ZDHHC2: variants seen among roughly 807,000 people sequenced by gnomAD.
The protein encoded by ZDHHC2 is zDHHC palmitoyltransferase 2.
ZDHHC2 carries 51 observed loss-of-function variants against 55.6 expected under a neutral mutation model. That is an observed-to-expected ratio of 0.92 (90% CI 0.73 to 1.16). The LOEUF is 1.16. Among genes scored for constraint, ZDHHC2 ranks in the 50% most tolerant of loss-of-function variants. The pLI is 0.00. For missense variants in ZDHHC2, 491 were observed against 442.4 expected (o/e 1.11, Z -0.99); for synonymous variants, 199 against 152.9 (o/e 1.30, Z -2.22).
Position 17,215,315 on chromosome 8 carries a change from G to A in ZDHHC2, c.1029G>A (p.Thr343=), listed in dbSNP as rs759015032. Residue 343 remains threonine (T), a synonymous_variant, in exon 11 of 13, where the codon ACG becomes ACA. Transcript: ENST00000262096. ...SHLLTDSQSW[T]ESSINPGKCK... is the part of the protein sequence containing the mutation. Reference sequence around the variant, plus strand: ...TTCTTACTGATTCTCAGTCTTGGACGGAGAGCAGCATAAACCCAGGAAAAT... The same window carrying A: ...TTCTTACTGATTCTCAGTCTTGGACAGAGAGCAGCATAAACCCAGGAAAAT... The A allele has an allele frequency of 3.1e-6, 5 of 1,593,138 alleles. No homozygotes were observed. The highest frequency in any genetic ancestry group is 1.1e-5 in the South Asian group (1 of 87,224).
intron 10 of ZDHHC2, among the ~76,000 whole-genome samples, chr8:17,212,690 G>A (rs1585739463): frequency 3.9e-5 from 6 of 152,070 alleles, no homozygotes; most frequent in Admixed American, 3.3e-4. Context: ...GTCAGATTGT[G>A]TCACTCTTCT....
chr8:17,199,395 C>T (rs1175186647), intron 6 of ZDHHC2, among the ~76,000 whole-genome samples: 2 of 151,764 alleles, frequency 1.3e-5, no homozygotes, highest in South Asian at 4.2e-4. Flanking sequence ...CTTTTGCCCC[C>T]CTGCCCCCAG....
intron 1 of ZDHHC2, among the ~76,000 whole-genome samples, chr8:17,158,000 A>AT (rs1216492164): frequency 6.6e-6 from 1 of 152,184 alleles, no homozygotes; most frequent in Non-Finnish European, 1.5e-5. Flanking sequence ...ATAATCACTG[A>AT]TGTAAGTTGT....
At chr8:17,162,308 C>T (rs1451887716) in intron 1 of ZDHHC2, among the ~76,000 whole-genome samples, 2 of 152,172 alleles carry the variant, frequency 1.3e-5, no homozygotes, top group East Asian at 1.9e-4. Context: ...TCTACTTAGT[C>T]TTATTCAATT....
At position 17,215,248 on chromosome 8, in the gene ZDHHC2, A is replaced by G; in HGVS notation, c.962A>G (p.His321Arg). 6.3e-7 allele frequency: 1 copy of G among 1,595,794 alleles called. No individual in the cohort carries two copies. Among genetic ancestry groups the G allele is most frequent in the Non-Finnish European group, 8.5e-7 (1 of 1,171,122 alleles). ...LNSTAKNLEN[H>R]QFPAKPLRES... The stretch of plus-strand genomic sequence containing the variant: ...CAATTATTATTCAGTCTCGAAAACC[A>G]TCAGTTTCCTGCAAAGCCATTGAGA... The change falls in exon 11 of 13, where the codon CAT becomes CGT. Residue 321 changes from histidine to arginine, a missense_variant. Physicochemically the swap from His to Arg is conservative, Grantham distance 29 (BLOSUM62 0). Coordinates refer to ENST00000262096, the MANE Select transcript of ZDHHC2 (RefSeq NM_016353.5).
intron 4 of ZDHHC2, 50 bp downstream of exon 4, chr8:17,195,674 A>T (rs769642269): frequency 6.2e-7 from 1 of 1,607,202 alleles, no homozygotes; most frequent in Non-Finnish European, 8.5e-7. Flanking sequence ...TAACATCATT[A>T]AGGTGACTGT....
At chr8:17,184,870 G>T in intron 2 of ZDHHC2, 55 bp downstream of exon 2, 2 of 1,428,902 alleles carry the variant, frequency 1.4e-6, no homozygotes, top group Middle Eastern at 2.1e-4. Flanking sequence ...AAAAAAAATT[G>T]TATTCACTTA....
intron 1 of ZDHHC2, among the ~76,000 whole-genome samples, chr8:17,183,107 G>C (rs1013520734): frequency 3.9e-5 from 6 of 152,126 alleles, no homozygotes; most frequent in East Asian, 1.9e-4. Context: ...TTAGTTTTCA[G>C]TTCTCTCCAC....
At chr8:17,185,044 A>C (rs1805639630) in intron 2 of ZDHHC2, among the ~76,000 whole-genome samples, 1 of 152,156 alleles carries the variant, frequency 6.6e-6, no homozygotes. Context: ...TAAGGCTTTG[A>C]GGTATAGGGA....
chr8:17,173,984 A>T (rs1804995508), intron 1 of ZDHHC2, among the ~76,000 whole-genome samples: 1 of 152,180 alleles, frequency 6.6e-6, no homozygotes, highest in Non-Finnish European at 1.5e-5. Context: ...AGGGAAAATG[A>T]TGTGAACGTA....
Position 17,205,742 on chromosome 8 carries a change from A to C in ZDHHC2, c.564A>C (p.Ala188=). Residue 188 remains alanine, a synonymous_variant, in exon 7 of 13, where the codon GCA becomes GCC. Coordinates refer to ENST00000262096, the MANE Select transcript of ZDHHC2 (RefSeq NM_016353.5). ...YSLLYCLFIA[A]TDLQYFIKFW... ...TGCTCTACTGCCTTTTTATTGCGGC[A>C]ACAGATTTACAGTATTTTATCAAAT... The C allele has an allele frequency of 6.2e-7, 1 of 1,609,312 alleles. No homozygotes were observed. Among genetic ancestry groups the C allele is most frequent in the Non-Finnish European group, 8.5e-7 (1 of 1,178,638 alleles).
intron 6 of ZDHHC2, among the ~76,000 whole-genome samples, chr8:17,199,503 T>TG (rs1554465991): frequency 7.9e-5 from 5 of 63,242 alleles, no homozygotes; most frequent in East Asian, 3.2e-4. Flanking sequence ...CTTCTTCTTC[T>TG]TCTTCTTCTT....
intron 1 of ZDHHC2, among the ~76,000 whole-genome samples, chr8:17,182,780 G>C (rs1805500222): frequency 6.6e-6 from 1 of 151,874 alleles, no homozygotes; most frequent in Non-Finnish European, 1.5e-5. Context: ...TGTTGTTTTT[G>C]AGACAGAGTC....
At chr8:17,171,593 C>T (rs1376625364) in intron 1 of ZDHHC2, among the ~76,000 whole-genome samples, 1 of 152,078 alleles carries the variant, frequency 6.6e-6, no homozygotes, top group African/African-American at 2.4e-5. Flanking sequence ...GTTTACCCAG[C>T]CTTCAATTAG....
chr8:17,202,794 A>G (rs1806866113), intron 6 of ZDHHC2, among the ~76,000 whole-genome samples: 1 of 151,902 alleles, frequency 6.6e-6, no homozygotes, highest in Admixed American at 6.6e-5. Context: ...TACTCTATGT[A>G]TATACATATT....
At chr8:17,181,546 A>C (rs1805433590) in intron 1 of ZDHHC2, among the ~76,000 whole-genome samples, 1 of 152,218 alleles carries the variant, frequency 6.6e-6, no homozygotes, top group Non-Finnish European at 1.5e-5. Context: ...TGAGATAAAG[A>C]AGGCTATACA....
Position 17,195,991 on chromosome 8 carries a change from A to G in ZDHHC2, c.373+367A>G, listed in dbSNP as rs141248682. On this transcript the variant is annotated intron_variant, in intron 4 of 12. Coordinates refer to ENST00000262096, the MANE Select transcript of ZDHHC2 (RefSeq NM_016353.5). ...TTTAAGGCAGCAGTATCTGTAATGA[A>G]TATAAAATGAATACTTTTACATGTA... 7.4e-4 allele frequency among the ~76,000 whole-genome samples: 113 copies of G among 152,348 alleles called. 1 individual carries two copies. The highest frequency in any genetic ancestry group is 2.7e-3 in the African/African-American group (112 of 41,580).
At position 17,219,252 on chromosome 8, in the gene ZDHHC2, TAAAAAAA is replaced by T. The variant is rs71212684; in HGVS notation, c.*35-984_*35-978del. The stretch of plus-strand genomic sequence containing the variant: ...GAGCTTGGGTGACAGAGCAAGACTC[TAAAAAAA>T]AAAAAAAAAAAAAAAAAAACAGAAA... On this transcript the variant is annotated intron_variant, in intron 12 of 12. Coordinates refer to ENST00000262096, the MANE Select transcript of ZDHHC2 (RefSeq NM_016353.5). Among the ~76,000 whole-genome samples the T allele has an allele frequency of 8.1e-5, 4 of 49,560 alleles. 1 individual carries two copies. Among genetic ancestry groups the T allele is most frequent in the East Asian group, 1.8e-3 (2 of 1,116 alleles). The allele number at this position is 49,560 out of a possible 152,430, so 32.5% of individuals were successfully genotyped here.
intron 2 of ZDHHC2, among the ~76,000 whole-genome samples, chr8:17,185,310 G>A (rs544522594): frequency 6.6e-6 from 1 of 151,988 alleles, no homozygotes; most frequent in Non-Finnish European, 1.5e-5. Context: ...GAATTAAATT[G>A]TGTATTAATG....
Sources: allele counts gnomAD v4.1 joint callset (sites outside exome capture counted in the v4.1 genomes callset), GRCh38; gene constraint gnomAD v4.1.1; transcripts MANE v1.5; gene names NCBI Gene and HGNC (gene_info 2026-07-23, HGNC 2026-07-21).